RPAP2: variants seen among roughly 807,000 people sequenced by gnomAD.
The protein encoded by RPAP2 is RNA polymerase II associated protein 2.
Under a neutral mutation model 73.1 loss-of-function variants are expected in RPAP2, and 52 were observed. The ratio of observed to expected loss-of-function variants is 0.71; its 90% confidence interval spans 0.57 to 0.90. The LOEUF is 0.90. Among genes scored for constraint, RPAP2 ranks in the 40% least tolerant of loss-of-function variants. The pLI, the probability that RPAP2 is intolerant of heterozygous loss-of-function variation, is 0.00. For missense variants in RPAP2, 598 were observed against 701.8 expected (o/e 0.85, Z 1.67); for synonymous variants, 225 against 242.1 (o/e 0.93, Z 0.65).
At chr1:92,314,943 G>A (rs997290258) in intron 6 of RPAP2, among the ~76,000 whole-genome samples, 1 of 151,934 alleles carries the variant, frequency 6.6e-6, no homozygotes, top group African/African-American at 2.4e-5. Flanking sequence ...TACTCGGGAG[G>A]CTGAGGTGCG....
At chr1:92,330,350 A>G (rs1364539971) in intron 8 of RPAP2, among the ~76,000 whole-genome samples, 1 of 152,028 alleles carries the variant, frequency 6.6e-6, no homozygotes, top group Non-Finnish European at 1.5e-5. Flanking sequence ...TTCTGGAAGA[A>G]TGTGTCTAAA....
At position 92,391,563 on chromosome 1, in the gene RPAP2, C is replaced by T. The variant is rs1571161975; in HGVS notation, c.*4552C>T. On this transcript the variant is annotated 3_prime_UTR_variant, in exon 13 of 13. Transcript: ENST00000610020. ...AGAACTGAAGGAGATAGAGACTCAACAAACCCTTCAAAAAATCAGTGAATC... is the reference window on the plus strand; with the variant it reads ...AGAACTGAAGGAGATAGAGACTCAATAAACCCTTCAAAAAATCAGTGAATC... 6.6e-6 allele frequency: 1 copy of T among 151,972 alleles called. No homozygotes were observed. The highest frequency in any genetic ancestry group is 6.6e-5 in the Admixed American group (1 of 15,228). 9.4% of individuals were successfully genotyped at this position (151,972 alleles called of 1,614,324 possible).
At position 92,391,322 on chromosome 1, in the gene RPAP2, C is replaced by G. The variant is rs533059119; in HGVS notation, c.*4311C>G. The G allele has an allele frequency of 6.6e-6, 1 of 152,198 alleles. No homozygotes were observed. The highest frequency in any genetic ancestry group is 2.1e-4 in the South Asian group (1 of 4,806). The allele number at this position is 152,198 out of a possible 1,614,324, so 9.4% of individuals were successfully genotyped here. Reference sequence around the variant, plus strand: ...AAATGAAGGCAGAAATAAAGATGTTCTTTGGAACCAACGAGAACAAAGACA... The same window carrying G: ...AAATGAAGGCAGAAATAAAGATGTTGTTTGGAACCAACGAGAACAAAGACA... On this transcript the variant is annotated 3_prime_UTR_variant, in exon 13 of 13. Transcript: ENST00000610020.
chr1:92,334,440 C>A (rs1263305999), intron 9 of RPAP2, among the ~76,000 whole-genome samples: 1 of 152,010 alleles, frequency 6.6e-6, no homozygotes, highest in South Asian at 2.1e-4. Context: ...TGGTTATGAT[C>A]ATTTTATTGT....
chr1:92,322,083 C>T lies in RPAP2; in HGVS notation c.525-1362C>T, dbSNP rs572844139. Among the ~76,000 whole-genome samples the T allele has an allele frequency of 2.5e-3, 380 of 150,870 alleles. 3 individuals carry two copies. Among genetic ancestry groups the T allele is most frequent in the South Asian group, 9.5e-3 (45 of 4,744 alleles). ...GCCTCAGCCTCCTGAGTAACTGGGACTACAGGCATGCGCCACCACTCCTGG... is the reference window on the plus strand; with the variant it reads ...GCCTCAGCCTCCTGAGTAACTGGGATTACAGGCATGCGCCACCACTCCTGG... On this transcript the variant is annotated intron_variant, in intron 7 of 12. Coordinates refer to ENST00000610020, the MANE Select transcript of RPAP2 (RefSeq NM_024813.3).
At chr1:92,328,587 C>G (rs1396849078) in intron 8 of RPAP2, among the ~76,000 whole-genome samples, 1 of 152,158 alleles carries the variant, frequency 6.6e-6, no homozygotes. Context: ...TTGGGCCTCA[C>G]CTTTCTCTGG....
intron 6 of RPAP2, among the ~76,000 whole-genome samples, chr1:92,310,064 G>T (rs1651500720): frequency 1.3e-5 from 2 of 152,102 alleles, no homozygotes; most frequent in Non-Finnish European, 1.5e-5. Flanking sequence ...ATGAGACCAG[G>T]ATTCTATTTA....
At chr1:92,337,956 C>A in intron 10 of RPAP2, among the ~76,000 whole-genome samples, 1 of 152,144 alleles carries the variant, frequency 6.6e-6, no homozygotes, top group Middle Eastern at 3.4e-3. Flanking sequence ...TTAACCTATT[C>A]CCAAGATATG....
At chr1:92,299,177 AC>A in intron 1 of RPAP2, 31 bp downstream of exon 1, 3 of 1,378,144 alleles carry the variant, frequency 2.2e-6, no homozygotes, top group Non-Finnish European at 2.9e-6. Context: ...CCACTTTTGG[AC>A]CCTGAAAGCT....
intron 5 of RPAP2, among the ~76,000 whole-genome samples, chr1:92,305,628 C>G (rs1341509434): frequency 5.3e-5 from 8 of 150,894 alleles, no homozygotes; most frequent in Admixed American, 6.6e-5. Context: ...TGTTAACTGA[C>G]CATAGAATCA....
intron 11 of RPAP2, among the ~76,000 whole-genome samples, chr1:92,350,812 G>T (rs1386626846): frequency 1.3e-5 from 2 of 152,026 alleles, no homozygotes; most frequent in African/African-American, 4.8e-5. Flanking sequence ...CATGCCTATA[G>T]TTCCAGCTAC....
chr1:92,377,498 C>G (rs1655430405), intron 11 of RPAP2, among the ~76,000 whole-genome samples: 1 of 118,848 alleles, frequency 8.4e-6, no homozygotes, highest in South Asian at 2.7e-4. Flanking sequence ...AGCCTAATGA[C>G]AGAGCGAAAC....
At chr1:92,359,970 A>G (rs1654653169) in intron 11 of RPAP2, among the ~76,000 whole-genome samples, 1 of 140,368 alleles carries the variant, frequency 7.1e-6, no homozygotes, top group South Asian at 2.5e-4. Flanking sequence ...ACTCTACATT[A>G]TTTTATTTGA....
At chr1:92,361,886 G>A (rs762608391) in intron 11 of RPAP2, among the ~76,000 whole-genome samples, 8 of 152,080 alleles carry the variant, frequency 5.3e-5, no homozygotes, top group Non-Finnish European at 1.0e-4. Flanking sequence ...ATTGGTTATA[G>A]AGCAGTTAAT....
chr1:92,369,472 T>C (rs1655059434), intron 11 of RPAP2, among the ~76,000 whole-genome samples: 2 of 152,124 alleles, frequency 1.3e-5, no homozygotes, highest in Non-Finnish European at 2.9e-5. Flanking sequence ...ACTCAACTAA[T>C]TTTTTTATTT....
chr1:92,337,253 A>G (rs2101251057), intron 10 of RPAP2, among the ~76,000 whole-genome samples: 1 of 152,236 alleles, frequency 6.6e-6, no homozygotes, highest in South Asian at 2.1e-4. Context: ...AGATTTTAGA[A>G]GTGTAAAATT....
At chr1:92,376,111 T>C (rs72960831) in intron 11 of RPAP2, among the ~76,000 whole-genome samples, 8,361 of 152,142 alleles carry the variant, frequency 0.055, 624 homozygotes, top group African/African-American at 0.18. Context: ...ACAGTATAAC[T>C]ATTTACATAA....
At chr1:92,361,975 T>C (rs1047808927) in intron 11 of RPAP2, among the ~76,000 whole-genome samples, 12 of 152,224 alleles carry the variant, frequency 7.9e-5, no homozygotes, top group African/African-American at 2.9e-4. Context: ...GAGAATTCTT[T>C]AAATGTTTTA....
chr1:92,339,340 A>G (rs1476003307), intron 10 of RPAP2, among the ~76,000 whole-genome samples: 2 of 39,512 alleles, frequency 5.1e-5, no homozygotes, highest in East Asian at 5.3e-4. Flanking sequence ...CCGCCCCCCA[A>G]TCCCCCAAGG....
Sources: allele counts gnomAD v4.1 joint callset (sites outside exome capture counted in the v4.1 genomes callset), GRCh38; gene constraint gnomAD v4.1.1; transcripts MANE v1.5; gene names NCBI Gene and HGNC (gene_info 2026-07-23, HGNC 2026-07-21).